Variants in GRIN2A observed in about 807,000 individuals in gnomAD.
GRIN2A encodes the protein glutamate receptor ionotropic, NMDA 2A.
In GRIN2A, 22 loss-of-function variants were observed where a neutral mutation model predicts 113.4. The ratio of observed to expected loss-of-function variants is 0.19; its 90% confidence interval spans 0.14 to 0.28. The LOEUF is 0.28. Ranked by LOEUF, GRIN2A falls within the 10% of genes least tolerant of loss-of-function variation. The pLI, the probability that GRIN2A is intolerant of heterozygous loss-of-function variation, is 1.00. For synonymous variants in GRIN2A, 827 were observed against 738.4 expected, an observed-to-expected ratio of 1.12 and a Z score of -1.94; for missense variants, 1,502 against 1,887.0, an observed-to-expected ratio of 0.80 and a Z score of 3.78.
chr16:9,965,555 T>C (rs1265857723), intron 2 of GRIN2A, among the ~76,000 whole-genome samples: 3 of 152,194 alleles, frequency 2.0e-5, no homozygotes, highest in African/African-American at 7.2e-5. Context: ...CACTTAATAA[T>C]TTCCTCGACA....
intron 2 of GRIN2A, among the ~76,000 whole-genome samples, chr16:10,090,367 G>T (rs922677415): frequency 2.0e-5 from 3 of 152,082 alleles, no homozygotes; most frequent in African/African-American, 7.2e-5. Context: ...AAAACTGAAC[G>T]TTTAGAAATA....
In GRIN2A at chr16:9,781,719, A is replaced by G. The variant is rs541741108; in HGVS notation, c.2357-12630T>C. ...TATATCAAGACTCCTAGAGATCTTT[A>G]GAACCAGTAACCTTTAAATTCTACA... On this transcript the variant is annotated intron_variant, in intron 11 of 12. Coordinates refer to ENST00000330684, the MANE Select transcript of GRIN2A (RefSeq NM_001134407.3). Among the ~76,000 whole-genome samples the G allele has an allele frequency of 8.2e-5, 10 of 121,298 alleles. No individual in the cohort carries two copies. In the South Asian group the frequency reaches 2.3e-3, roughly 28 times the overall value. 79.6% of individuals were successfully genotyped at this position (121,298 alleles called of 152,430 possible).
At chr16:10,122,540 A>G (rs1366523069) in intron 2 of GRIN2A, among the ~76,000 whole-genome samples, 5 of 152,114 alleles carry the variant, frequency 3.3e-5, no homozygotes, top group African/African-American at 4.8e-5. Context: ...TCTCCCAGAA[A>G]GTTTCGCTTT....
At chr16:9,906,187 GC>G (rs990435567) in intron 3 of GRIN2A, among the ~76,000 whole-genome samples, 3 of 152,102 alleles carry the variant, frequency 2.0e-5, no homozygotes, top group African/African-American at 7.2e-5. Context: ...CTGATCATGT[GC>G]CACCCTTCTC....
intron 9 of GRIN2A, among the ~76,000 whole-genome samples, chr16:9,829,165 A>G (rs868156023): frequency 9.2e-5 from 14 of 152,226 alleles, no homozygotes; most frequent in Non-Finnish European, 1.8e-4. Context: ...AAGATCATAT[A>G]AATAGGAAAC....
In GRIN2A at chr16:9,829,474, G is replaced by A; in HGVS notation, c.1956C>T (p.Phe652=). The A allele has an allele frequency of 6.2e-7, 1 of 1,614,040 alleles. No individual in the cohort carries two copies. The highest frequency in any genetic ancestry group is 8.5e-7 in the Non-Finnish European group (1 of 1,179,940). Residue 652 remains phenylalanine (F), a synonymous_variant, in exon 9 of 13, where the codon TTC becomes TTT. Transcript: ENST00000330684. ...GGTCCACAAATTCCTCTTGGATCATGAAGGCAGCCAGATTGGCTGTGTAGC... is the reference window on the plus strand; with the variant it reads ...GGTCCACAAATTCCTCTTGGATCATAAAGGCAGCCAGATTGGCTGTGTAGC... ...LASYTANLAA[F]MIQEEFVDQV...
intron 2 of GRIN2A, among the ~76,000 whole-genome samples, chr16:10,131,707 G>A (rs2049067931): frequency 6.6e-6 from 1 of 152,196 alleles, no homozygotes; most frequent in African/African-American, 2.4e-5. Context: ...AGTTTAAGAG[G>A]TGGGGAAGAA....
At chr16:10,084,765 T>TTTATTTATTTATTTATTTATTTAA (rs2142064987) in intron 2 of GRIN2A, among the ~76,000 whole-genome samples, 1 of 151,992 alleles carries the variant, frequency 6.6e-6, no homozygotes, top group South Asian at 2.1e-4. Context: ...TATTTATTTA[T>TTTATTTATTTATTTATTTATTTAA]TTATTTTCTG....
intron 2 of GRIN2A, among the ~76,000 whole-genome samples, chr16:10,006,584 A>G (rs546627089): frequency 6.6e-6 from 1 of 152,196 alleles, no homozygotes; most frequent in South Asian, 2.1e-4. Flanking sequence ...GCATCAGGGT[A>G]AAATGAGGTT....
chr16:10,157,877 G>C (rs1042679029), intron 2 of GRIN2A, among the ~76,000 whole-genome samples: 1 of 152,058 alleles, frequency 6.6e-6, no homozygotes, highest in South Asian at 2.1e-4. Context: ...TTTTTTACTA[G>C]TGGCAAGATT....
At chr16:9,897,116 G>A (rs1329801873) in intron 3 of GRIN2A, among the ~76,000 whole-genome samples, 1 of 152,054 alleles carries the variant, frequency 6.6e-6, no homozygotes, top group Non-Finnish European at 1.5e-5. Context: ...TTGCCAAGAC[G>A]ACTTCTGTGT....
chr16:10,141,412 C>T (rs748371168), intron 2 of GRIN2A, among the ~76,000 whole-genome samples: 6 of 151,978 alleles, frequency 3.9e-5, no homozygotes, highest in East Asian at 1.9e-4. Context: ...TGCTTGAGCC[C>T]GGGAGGCAGA....
rs189593259 is a variant in GRIN2A at position 9,979,299 on chromosome 16, C to T, written c.415-40748G>A. On this transcript the variant is annotated intron_variant, in intron 2 of 12. Transcript: ENST00000330684. ...CAGTGCCACATGGTTATTCTGAAGA[C>T]GAGATCAGCTCCTATCCCTTGGGCC... Among the ~76,000 whole-genome samples, 267 of 152,278 alleles carry T rather than the reference C, an allele frequency of 1.8e-3. 1 individual carries two copies. Among genetic ancestry groups the T allele is most frequent in the Non-Finnish European group, 3.2e-3 (215 of 68,020 alleles).
intron 2 of GRIN2A, chr16:10,112,265 C>A: frequency 3.1e-6 from 2 of 639,980 alleles, no homozygotes; most frequent in Non-Finnish European, 2.9e-6. Context: ...AGTACCTCCA[C>A]CTCCAGGTGA....
chr16:9,897,432 C>T (rs536491470), intron 3 of GRIN2A, among the ~76,000 whole-genome samples: 19 of 151,928 alleles, frequency 1.3e-4, no homozygotes, highest in Non-Finnish European at 1.8e-4. Context: ...TGAATATAAA[C>T]GGGGCCAGAA....
intron 9 of GRIN2A, among the ~76,000 whole-genome samples, chr16:9,827,977 C>T (rs77131291): frequency 0.011 from 1,678 of 152,166 alleles, 36 homozygotes; most frequent in African/African-American, 0.038. Flanking sequence ...TTGTGTATTG[C>T]TTATTTTTTT....
intron 2 of GRIN2A, among the ~76,000 whole-genome samples, chr16:10,128,128 G>A (rs894867483): frequency 2.2e-4 from 33 of 152,316 alleles, no homozygotes; most frequent in African/African-American, 7.9e-4. Flanking sequence ...TGCTGAGAAG[G>A]TGGCACTGTC....
At chr16:10,120,691 G>A (rs1389609821) in intron 2 of GRIN2A, among the ~76,000 whole-genome samples, 2 of 152,184 alleles carry the variant, frequency 1.3e-5, no homozygotes, top group Admixed American at 6.5e-5. Context: ...CTCTCTGGAA[G>A]ACACCTGCAA....
chr16:10,111,557 T>C, intron 2 of GRIN2A: 1 of 811,056 alleles, frequency 1.2e-6, no homozygotes, highest in Non-Finnish European at 2.2e-6. Flanking sequence ...ACCCGGAAGA[T>C]CATGCTGAAG....
Sources: allele counts gnomAD v4.1 joint callset (sites outside exome capture counted in the v4.1 genomes callset), GRCh38; gene constraint gnomAD v4.1.1; transcripts MANE v1.5; gene names NCBI Gene and HGNC (gene_info 2026-07-23, HGNC 2026-07-21).